Variants in DPY19L4 observed in about 807,000 individuals in gnomAD.
The protein encoded by DPY19L4 is probable C-mannosyltransferase DPY19L4.
A neutral mutation model predicts 102.8 loss-of-function variants in DPY19L4; 97 were observed. That is an observed-to-expected ratio of 0.94 (90% CI 0.80 to 1.12). DPY19L4 has a LOEUF of 1.12. Among genes scored for constraint, DPY19L4 ranks in the 50% most tolerant of loss-of-function variants. DPY19L4 has a pLI of 0.00. For missense variants in DPY19L4, 815 were observed against 850.4 expected (o/e 0.96, Z 0.52); for synonymous variants, 252 against 283.1 (o/e 0.89, Z 1.10).
chr8:94,721,504 T>C (rs756157461), intron 1 of DPY19L4, among the ~76,000 whole-genome samples: 3 of 152,236 alleles, frequency 2.0e-5, no homozygotes, highest in Non-Finnish European at 4.4e-5. Flanking sequence ...TCCATTTGTT[T>C]ACTTGGTTCT....
Position 94,739,493 on chromosome 8 carries a change from G to A in DPY19L4, c.424G>A (p.Glu142Lys), listed in dbSNP as rs759244646. The change falls in exon 5 of 19, where the codon GAA becomes AAA. Residue 142 changes from glutamate (E) to lysine (K), a missense_variant. Physicochemically the swap from Glu to Lys is moderately conservative, Grantham distance 56. Transcript: ENST00000414645. ...AGTGCAGCAAATGTCTCTGTATCCG[G>A]AACTTATTGCTAGCATTTTATATCA... is the stretch of plus-strand genomic sequence containing the variant. ...NAVQQMSLYPELIASILYQAT... is the reference protein window; with the variant it reads ...NAVQQMSLYPKLIASILYQAT... The A allele has an allele frequency of 3.1e-6, 5 of 1,608,162 alleles. No individual in the cohort carries two copies. Among genetic ancestry groups the A allele is most frequent in the Non-Finnish European group, 4.2e-6 (5 of 1,178,570 alleles).
At chr8:94,750,258 T>C (rs1811858577) in intron 6 of DPY19L4, among the ~76,000 whole-genome samples, 1 of 152,160 alleles carries the variant, frequency 6.6e-6, no homozygotes, top group Non-Finnish European at 1.5e-5. Context: ...AAAAAATTAT[T>C]TGTCATAGAC....
At position 94,787,587 on chromosome 8, in the gene DPY19L4, A is replaced by C. The variant is rs981235183; in HGVS notation, c.1849-307A>C. Among the ~76,000 whole-genome samples the C allele has an allele frequency of 4.6e-5, 7 of 152,318 alleles. 1 individual carries two copies. In the South Asian group the frequency reaches 1.5e-3, roughly 32 times the overall value. On this transcript the variant is annotated intron_variant, in intron 17 of 18. Coordinates refer to ENST00000414645, the MANE Select transcript of DPY19L4 (RefSeq NM_181787.3). The stretch of plus-strand genomic sequence containing the variant: ...TTTTACTACTTTTTGAAGGATATCA[A>C]GAGTTGATCCAATATTAACATTTCA...
In DPY19L4 at chr8:94,726,344, G is replaced by C; in HGVS notation, c.30G>C (p.Glu10Asp). MAEEEGPPVELRQRKKPKSS... is the reference protein window; with the variant it reads MAEEEGPPVDLRQRKKPKSS... ...AAATATTTTAAGGACCACCTGTAGA[G>C]CTGCGCCAAAGAAAAAAGCCAAAGT... Residue 10 changes from glutamate (E) to aspartate (D), a missense_variant, in exon 2 of 19, where the codon GAG becomes GAC. Coordinates refer to ENST00000414645, the MANE Select transcript of DPY19L4 (RefSeq NM_181787.3). 6.2e-7 allele frequency: 1 copy of C among 1,609,586 alleles called. No homozygotes were observed. Among genetic ancestry groups the C allele is most frequent in the Non-Finnish European group, 8.5e-7 (1 of 1,178,982 alleles).
chr8:94,736,279 G>T (rs956497307), intron 3 of DPY19L4, among the ~76,000 whole-genome samples: 3 of 152,134 alleles, frequency 2.0e-5, no homozygotes, highest in East Asian at 1.9e-4. Context: ...TTCACCATAT[G>T]TATTTTAGGA....
intron 6 of DPY19L4, among the ~76,000 whole-genome samples, chr8:94,750,482 T>C (rs1040389449): frequency 1.3e-5 from 2 of 152,216 alleles, no homozygotes; most frequent in Non-Finnish European, 2.9e-5. Flanking sequence ...TACTAGGTTC[T>C]AGGCACTGCT....
rs564267147 is a variant in DPY19L4 at position 94,749,387 on chromosome 8, A to C, written c.612-6649A>C. Among the ~76,000 whole-genome samples the C allele has an allele frequency of 3.9e-5, 6 of 152,246 alleles. No homozygotes were observed. In the South Asian group the frequency reaches 1.2e-3, roughly 32 times the overall value. ...AAAGGTCCCTCAGCAAGGCTAGTTTACTTTCTGCAGAAAGGGTGTACTCGG... is the reference window on the plus strand; with the variant it reads ...AAAGGTCCCTCAGCAAGGCTAGTTTCCTTTCTGCAGAAAGGGTGTACTCGG... On this transcript the variant is annotated intron_variant, in intron 6 of 18. Transcript: ENST00000414645.
chr8:94,734,993 G>C lies in DPY19L4; in HGVS notation c.252+239G>C, dbSNP rs754256186. 3.4e-4 allele frequency among the ~76,000 whole-genome samples: 52 copies of C among 152,190 alleles called. 1 individual carries two copies. Among genetic ancestry groups the C allele is most frequent in the Non-Finnish European group, 5.9e-5 (4 of 68,034 alleles). ...AACTTATCAGGGACTTTTGATGACAGTGAAATGTTATGGAGTTTAGTCAGC... is the reference window on the plus strand; with the variant it reads ...AACTTATCAGGGACTTTTGATGACACTGAAATGTTATGGAGTTTAGTCAGC... On this transcript the variant is annotated intron_variant, in intron 3 of 18. Coordinates refer to ENST00000414645, the MANE Select transcript of DPY19L4 (RefSeq NM_181787.3).
rs773579919 is a variant in DPY19L4, at chr8:94,739,413, G to A, written c.344G>A (p.Gly115Asp). 6.4e-7 allele frequency: 1 copy of A among 1,569,220 alleles called. No homozygotes were observed. Among genetic ancestry groups the A allele is most frequent in the South Asian group, 1.2e-5 (1 of 83,126 alleles). ...DMLKAPSFER[G>D]VYELTHNNKT... Reference sequence around the variant, plus strand: ...TGGAGAAAAATCTTTCTGTCTTTAGGTGTTTACGAACTGACACACAATAAC... The same window carrying A: ...TGGAGAAAAATCTTTCTGTCTTTAGATGTTTACGAACTGACACACAATAAC... The change falls in exon 5 of 19, where the codon GGT becomes GAT. Residue 115 changes from glycine (G) to aspartate (D), a missense_variant and splice_region_variant. Gly to Asp is a moderately conservative substitution (Grantham distance 94). Transcript: ENST00000414645.
At chr8:94,723,965 TG>T (rs1810581888) in intron 1 of DPY19L4, among the ~76,000 whole-genome samples, 1 of 152,200 alleles carries the variant, frequency 6.6e-6, no homozygotes, top group African/African-American at 2.4e-5. Context: ...CTATGCAAAA[TG>T]TTTGTGTAAG....
At chr8:94,772,455 G>A (rs1417413617) in intron 13 of DPY19L4, among the ~76,000 whole-genome samples, 2 of 152,192 alleles carry the variant, frequency 1.3e-5, no homozygotes. Flanking sequence ...AATCAGCAGA[G>A]GAAAGAGACC....
chr8:94,781,313 G>A, intron 16 of DPY19L4, 147 bp downstream of exon 16: 1 of 645,306 alleles, frequency 1.5e-6, no homozygotes, highest in South Asian at 3.5e-5. Context: ...GATTTTGGTT[G>A]GACTTAGTGA....
chr8:94,759,984 A>C (rs968972286), intron 7 of DPY19L4, among the ~76,000 whole-genome samples: 8 of 152,208 alleles, frequency 5.3e-5, no homozygotes, highest in African/African-American at 1.7e-4. Context: ...CATAAATCCT[A>C]TGTGTAAAAA....
rs1382379307 is a variant in DPY19L4, at chr8:94,792,474, C to G, written c.*2564C>G. 1 of 151,700 alleles carries G rather than the reference C, an allele frequency of 6.6e-6. No individual in the cohort carries two copies. Among genetic ancestry groups the G allele is most frequent in the African/African-American group, 2.4e-5 (1 of 41,416 alleles). 9.4% of individuals were successfully genotyped at this position (151,700 alleles called of 1,614,324 possible). ...TGTTGGCCAGGCTGGTCTCGAACTC[C>G]TGACCTCAGATGATCCACTCACCCC... On this transcript the variant is annotated 3_prime_UTR_variant, in exon 19 of 19. Coordinates refer to ENST00000414645, the MANE Select transcript of DPY19L4 (RefSeq NM_181787.3).
intron 6 of DPY19L4, among the ~76,000 whole-genome samples, chr8:94,747,634 C>T (rs1195476285): frequency 6.7e-6 from 1 of 149,670 alleles, no homozygotes; most frequent in Non-Finnish European, 1.5e-5. Flanking sequence ...TCTCGGCTCA[C>T]TGCAAGATCC....
At chr8:94,723,888 C>T (rs1169519021) in intron 1 of DPY19L4, among the ~76,000 whole-genome samples, 1 of 151,958 alleles carries the variant, frequency 6.6e-6, no homozygotes, top group Non-Finnish European at 1.5e-5. Context: ...GGTCCTTGAT[C>T]ATTGCTAATA....
chr8:94,755,776 G>A (rs762448729), intron 6 of DPY19L4, among the ~76,000 whole-genome samples: 4 of 151,976 alleles, frequency 2.6e-5, no homozygotes, highest in East Asian at 3.9e-4. Flanking sequence ...TCCCAGCTAC[G>A]CAGGAGGCTG....
At chr8:94,736,275 A>G (rs1030869051) in intron 3 of DPY19L4, among the ~76,000 whole-genome samples, 5 of 152,202 alleles carry the variant, frequency 3.3e-5, no homozygotes, top group African/African-American at 9.7e-5. Context: ...AGGTTTCACC[A>G]TATGTATTTT....
intron 18 of DPY19L4, among the ~76,000 whole-genome samples, chr8:94,789,416 AT>A (rs1813797697): frequency 6.6e-6 from 1 of 152,196 alleles, no homozygotes; most frequent in South Asian, 2.1e-4. Context: ...TAATATGTTC[AT>A]TTCTCAGCCT....
Sources: gnomAD v4.1 joint callset for allele counts (sites outside exome capture counted in the v4.1 genomes callset) on GRCh38, gnomAD v4.1.1 for gene constraint, MANE v1.5 for transcripts, NCBI Gene and HGNC (gene_info 2026-07-23, HGNC 2026-07-21) for gene names.